Variants in KHDRBS2 observed in about 807,000 individuals in gnomAD.
KHDRBS2 encodes the protein KH domain-containing, RNA-binding, signal transduction-associated protein 2.
Under a neutral mutation model 44.3 loss-of-function variants are expected in KHDRBS2, and 26 were observed. The ratio of observed to expected loss-of-function variants is 0.59; its 90% CI spans 0.43 to 0.81. The LOEUF (loss-of-function observed/expected upper bound fraction) is 0.81. Among genes scored for constraint, KHDRBS2 ranks in the 40% least tolerant of loss-of-function variants. The pLI is 0.00. For missense variants in KHDRBS2, 476 were observed against 433.1 expected (o/e 1.10, Z -0.88); for synonymous variants, 194 against 151.1 (o/e 1.28, Z -2.08).
intron 6 of KHDRBS2, among the ~76,000 whole-genome samples, chr6:61,860,546 G>A (rs557800458): frequency 1.2e-3 from 181 of 151,972 alleles, no homozygotes; most frequent in Non-Finnish European, 2.3e-3. Flanking sequence ...CAAAGGACAT[G>A]ATCTTGTTCT....
chr6:61,816,253 G>A (rs902446142), intron 6 of KHDRBS2, among the ~76,000 whole-genome samples: 4 of 151,948 alleles, frequency 2.6e-5, no homozygotes, highest in African/African-American at 4.8e-5. Context: ...TTGAAAATAG[G>A]GTCTTTTTAG....
intron 6 of KHDRBS2, among the ~76,000 whole-genome samples, chr6:61,881,675 C>T (rs1212602970): frequency 2.0e-5 from 3 of 151,980 alleles, no homozygotes; most frequent in Non-Finnish European, 4.4e-5. Flanking sequence ...TCCTCCTAAT[C>T]TCTAACTTAG....
At chr6:62,248,302 A>G (rs80208485) in intron 1 of KHDRBS2, among the ~76,000 whole-genome samples, 8 of 151,406 alleles carry the variant, frequency 5.3e-5, no homozygotes, top group African/African-American at 7.3e-5. Flanking sequence ...AAAAAAAAAA[A>G]CTGGGGCCCA....
chr6:62,182,498 T>C (rs1822533881), intron 1 of KHDRBS2, among the ~76,000 whole-genome samples: 1 of 151,978 alleles, frequency 6.6e-6, no homozygotes, highest in Non-Finnish European at 1.5e-5. Context: ...TGTAGTGGGA[T>C]GAAACTTTTT....
chr6:61,991,652 A>G (rs1223168178), intron 3 of KHDRBS2, among the ~76,000 whole-genome samples: 2 of 152,194 alleles, frequency 1.3e-5, no homozygotes, highest in Non-Finnish European at 2.9e-5. Context: ...AGTGAGTCTC[A>G]GTTGGCAGGG....
chr6:61,964,357 G>C (rs550233638), intron 4 of KHDRBS2, among the ~76,000 whole-genome samples: 1 of 151,906 alleles, frequency 6.6e-6, no homozygotes, highest in African/African-American at 2.4e-5. Flanking sequence ...ACAAGCAATC[G>C]CATCAGGCAG....
intron 3 of KHDRBS2, among the ~76,000 whole-genome samples, chr6:61,997,178 G>T (rs555906141): frequency 6.6e-6 from 1 of 152,128 alleles, no homozygotes; most frequent in Non-Finnish European, 1.5e-5. Context: ...CTCTAATTCT[G>T]ATAAATTCTA....
chr6:61,865,045 C>T (rs976610747), intron 6 of KHDRBS2, among the ~76,000 whole-genome samples: 1 of 152,154 alleles, frequency 6.6e-6, no homozygotes, highest in South Asian at 2.1e-4. Flanking sequence ...ATTCTTTCCT[C>T]TGCTGGGTCT....
chr6:62,152,828 G>T (rs1435440963), intron 2 of KHDRBS2, among the ~76,000 whole-genome samples: 2 of 152,162 alleles, frequency 1.3e-5, no homozygotes, highest in Non-Finnish European at 2.9e-5. Context: ...GAAGTAACTT[G>T]TGCATGACAA....
At chr6:61,570,565 A>C in the KHDRBS2 span, among the ~76,000 whole-genome samples, 3 of 152,178 alleles carry the variant, frequency 2.0e-5, no homozygotes, top group Non-Finnish European at 2.9e-5. Flanking sequence ...CAAGAAGCTC[A>C]AAGAACACCT....
At chr6:62,226,783 C>CCCTT (rs1208189627) in intron 1 of KHDRBS2, among the ~76,000 whole-genome samples, 2 of 152,174 alleles carry the variant, frequency 1.3e-5, no homozygotes, top group Non-Finnish European at 2.9e-5. Flanking sequence ...AATAGGAGAT[C>CCCTT]CCTTCCCCAT....
the KHDRBS2 span, among the ~76,000 whole-genome samples, chr6:61,575,851 G>A: frequency 1.3e-5 from 2 of 152,208 alleles, no homozygotes; most frequent in South Asian, 2.1e-4. Flanking sequence ...AGTAACTCAG[G>A]TAAAAAAGAC....
At chr6:62,073,909 G>A (rs1795817045) in intron 2 of KHDRBS2, among the ~76,000 whole-genome samples, 1 of 151,710 alleles carries the variant, frequency 6.6e-6, no homozygotes, top group South Asian at 2.1e-4. Flanking sequence ...GATCACTTTG[G>A]ATTTATGCCC....
At chr6:61,803,509 C>T (rs116451918) in intron 6 of KHDRBS2, among the ~76,000 whole-genome samples, 25 of 152,220 alleles carry the variant, frequency 1.6e-4, no homozygotes, top group Admixed American at 8.5e-4. Flanking sequence ...AGGAATTGTT[C>T]ATGGCATTTT....
chr6:62,004,203 A>T (rs183648233), intron 3 of KHDRBS2, among the ~76,000 whole-genome samples: 84 of 152,298 alleles, frequency 5.5e-4, no homozygotes, highest in African/African-American at 1.9e-3. Flanking sequence ...CAAAAAATCC[A>T]TGAATCCAGG....
rs59518436 is a variant in KHDRBS2, at chr6:61,869,964, G to GTTTTTTTTTTTTTTTTTTTTTTTT, written c.810+24670_810+24671insAAAAAAAAAAAAAAAAAAAAAAAA. Among the ~76,000 whole-genome samples the GTTTTTTTTTTTTTTTTTTTTTTTT allele has an allele frequency of 1.9e-4, 21 of 108,966 alleles. 1 individual carries two copies. Among genetic ancestry groups the GTTTTTTTTTTTTTTTTTTTTTTTT allele is most frequent in the African/African-American group, 7.6e-4 (20 of 26,348 alleles). 71.5% of individuals were successfully genotyped at this position (108,966 alleles called of 152,430 possible). On this transcript the variant is annotated intron_variant, in intron 6 of 8. Transcript: ENST00000281156. The stretch of plus-strand genomic sequence containing the variant: ...TAGACACCGAACTAGCTGCAGGAGT[G>GTTTTTTTTTTTTTTTTTTTTTTTT]TTTTTTTTTTTTTTTTTTTTTTTCC...
At chr6:61,741,265 C>T (rs927145107) in intron 6 of KHDRBS2, among the ~76,000 whole-genome samples, 6 of 151,608 alleles carry the variant, frequency 4.0e-5, no homozygotes, top group Non-Finnish European at 8.8e-5. Flanking sequence ...GAATGGTAAA[C>T]AGAATATGTT....
chr6:61,879,645 A>G (rs541919514), intron 6 of KHDRBS2, among the ~76,000 whole-genome samples: 11 of 151,946 alleles, frequency 7.2e-5, no homozygotes, highest in Non-Finnish European at 1.5e-4. Flanking sequence ...ATAAACATTA[A>G]AGTAAATTTA....
chr6:61,749,567 T>C, intron 6 of KHDRBS2, among the ~76,000 whole-genome samples: 1 of 152,216 alleles, frequency 6.6e-6, no homozygotes, highest in East Asian at 1.9e-4. Flanking sequence ...CCTGTCCTGT[T>C]GTTTAAATTA....
Sources: gnomAD v4.1 joint callset for allele counts (sites outside exome capture counted in the v4.1 genomes callset) on GRCh38, gnomAD v4.1.1 for gene constraint, MANE v1.5 for transcripts, NCBI Gene and HGNC (gene_info 2026-07-23, HGNC 2026-07-21) for gene names.